The following SRPX variants were observed in gnomAD, a reference collection of about 807,000 sequenced individuals.
The protein encoded by SRPX is sushi repeat-containing protein SRPX.
In SRPX, 24 loss-of-function variants were observed where a neutral mutation model predicts 38.1. The ratio of observed to expected loss-of-function variants is 0.63; its 90% CI spans 0.46 to 0.89. The LOEUF (loss-of-function observed/expected upper bound fraction) is 0.89, where lower values mean the gene tolerates loss of function less well. Ranked by LOEUF, SRPX falls within the 40% of genes least tolerant of loss-of-function variation. The pLI, the probability that SRPX is intolerant of heterozygous loss-of-function variation, is 0.00. For synonymous variants in SRPX, 184 were observed against 153.8 expected, an observed-to-expected ratio of 1.20 and a Z score of -1.45; for missense variants, 416 against 377.8, an observed-to-expected ratio of 1.10 and a Z score of -0.84.
At position 38,160,123 on chromosome X, in the gene SRPX, T is replaced by C; in HGVS notation, c.849A>G (p.Gly283=). 1.7e-6 allele frequency: 2 copies of C among 1,211,662 alleles called. No homozygotes were observed. The highest frequency in any genetic ancestry group is 2.2e-6 in the Non-Finnish European group (2 of 895,446). The change falls in exon 7 of 10, where the codon GGA becomes GGG. Residue 283 remains glycine, a synonymous_variant. Coordinates refer to ENST00000378533, the MANE Select transcript of SRPX (RefSeq NM_006307.5). ...MKCSSDGDNY[G]ATCEFSCIGG... The stretch of plus-strand genomic sequence containing the variant: ...CGATGCAGGAGAACTCACAGGTGGC[T>C]CCATAATTATCACCGTCGCTGGAGC...
At chrX:38,207,637 C>T (rs999695184) in intron 1 of SRPX, among the ~76,000 whole-genome samples, 4 of 112,133 alleles carry the variant, frequency 3.6e-5, no homozygotes, top group Non-Finnish European at 5.6e-5. Flanking sequence ...GACTCCAGAC[C>T]AAGACACTGG....
chrX:38,174,438 G>A, intron 2 of SRPX, 87 bp from the exon 3 acceptor site: 1 of 811,968 alleles, frequency 1.2e-6, no homozygotes, highest in Non-Finnish European at 1.6e-6. Context: ...TCCCAGGCTG[G>A]CTACATTCCA....
chrX:38,201,415 T>C lies in SRPX; in HGVS notation c.97+19281A>G, dbSNP rs1939109603. Among the ~76,000 whole-genome samples, 3 of 111,800 alleles carry C rather than the reference T, an allele frequency of 2.7e-5. No homozygotes were observed. In the South Asian group the frequency reaches 1.1e-3, roughly 42 times the overall value. On this transcript the variant is annotated intron_variant, in intron 1 of 9. Transcript: ENST00000378533. ...AAAAAAGGTCACAATATTCCAATTC[T>C]GGGTAAGATGCAGTAATCGTACTTC...
intron 5 of SRPX, among the ~76,000 whole-genome samples, chrX:38,164,367 T>G (rs1938323941): frequency 8.9e-6 from 1 of 111,749 alleles, no homozygotes; most frequent in Non-Finnish European, 1.9e-5. Context: ...GGTCTCAAAC[T>G]TCTGACCTCA....
At chrX:38,176,261 A>C (rs1457345184) in intron 2 of SRPX, among the ~76,000 whole-genome samples, 1 of 111,485 alleles carries the variant, frequency 9.0e-6, no homozygotes, top group Non-Finnish European at 1.9e-5. Context: ...TATGACCTGC[A>C]TACTCATACA....
chrX:38,153,299 TTTC>T (rs1346147448), intron 9 of SRPX, among the ~76,000 whole-genome samples: 1 of 79,923 alleles, frequency 1.3e-5, no homozygotes, highest in Middle Eastern at 6.1e-3. Flanking sequence ...TCTTTCTTTC[TTTC>T]TTTTTTTTTT....
At chrX:38,178,829 G>T (rs1166789296) in intron 1 of SRPX, among the ~76,000 whole-genome samples, 1 of 111,252 alleles carries the variant, frequency 9.0e-6, no homozygotes, top group African/African-American at 3.3e-5. Flanking sequence ...GTCTTATCTT[G>T]ACAAAAGAAA....
At chrX:38,217,506 G>A (rs868640185) in intron 1 of SRPX, among the ~76,000 whole-genome samples, 2 of 111,662 alleles carry the variant, frequency 1.8e-5, no homozygotes, top group Non-Finnish European at 3.8e-5. Flanking sequence ...AGGGGGAAAA[G>A]ACTGGAAAAT....
intron 9 of SRPX, among the ~76,000 whole-genome samples, chrX:38,151,449 G>A (rs906235304): frequency 3.2e-4 from 36 of 111,778 alleles, no homozygotes; most frequent in African/African-American, 1.1e-3. Context: ...CTGTGGGAAA[G>A]GGTGACCAAT....
At chrX:38,156,239 A>G (rs1467973517) in intron 8 of SRPX, among the ~76,000 whole-genome samples, 1 of 111,953 alleles carries the variant, frequency 8.9e-6, no homozygotes, top group Non-Finnish European at 1.9e-5. Flanking sequence ...GTTTCTAGTC[A>G]GCCTTCCCCA....
chrX:38,184,577 G>T (rs974575051), intron 1 of SRPX, among the ~76,000 whole-genome samples: 12 of 111,283 alleles, frequency 1.1e-4, no homozygotes, highest in Non-Finnish European at 1.7e-4. Context: ...CATGTTTTTT[G>T]GTACATGCTT....
rs1301815815 is a variant in SRPX at position 38,149,725 on chromosome X, T to A, written c.1381A>T (p.Thr461Ser). The change falls in exon 10 of 10, where the codon ACC becomes TCC. Residue 461 changes from threonine (T) to serine (S), a missense_variant. Coordinates refer to ENST00000378533, the MANE Select transcript of SRPX (RefSeq NM_006307.5). ...GAACCATCATGTCAGGTGTTACAGG[T>A]CTGGCTCATTTCGGCTTGTAGGACC... is the stretch of plus-strand genomic sequence containing the variant. ...EMVLQAEMSQTCNT is the reference protein window; with the variant it reads ...EMVLQAEMSQSCNT The A allele has an allele frequency of 8.3e-7, 1 of 1,210,133 alleles. No homozygotes were observed. The highest frequency in any genetic ancestry group is 3.0e-5 in the East Asian group (1 of 33,798).
intron 1 of SRPX, among the ~76,000 whole-genome samples, chrX:38,187,445 G>C (rs1938808518): frequency 8.9e-6 from 1 of 111,927 alleles, no homozygotes; most frequent in Non-Finnish European, 1.9e-5. Context: ...AAAGTAAACT[G>C]TTGTCAAGTT....
chrX:38,198,969 A>G (rs1939052377), intron 1 of SRPX, among the ~76,000 whole-genome samples: 1 of 111,505 alleles, frequency 9.0e-6, no homozygotes, highest in African/African-American at 3.3e-5. Context: ...TGACGTCTAC[A>G]GGCTGGTGCA....
intron 2 of SRPX, among the ~76,000 whole-genome samples, chrX:38,176,620 C>T (rs1304342551): frequency 9.0e-6 from 1 of 110,757 alleles, no homozygotes; most frequent in East Asian, 2.9e-4. Flanking sequence ...TAGTGAAACC[C>T]CTGTCTGTAC....
Position 38,160,710 on chromosome X carries a change from G to C in SRPX, c.775+223C>G, listed in dbSNP as rs754916732. On this transcript the variant is annotated intron_variant, in intron 6 of 9. Coordinates refer to ENST00000378533, the MANE Select transcript of SRPX (RefSeq NM_006307.5). ...TATGGGATCCTGTAAGACTAGTCCT[G>C]GGAACTCCTTAAATAATCTGGCAAC... Among the ~76,000 whole-genome samples the C allele has an allele frequency of 2.7e-5, 3 of 110,831 alleles. No homozygotes were observed. In the South Asian group the frequency reaches 1.2e-3, roughly 43 times the overall value.
At chrX:38,178,137 G>GTA (rs895240634) in intron 2 of SRPX, 148 bp downstream of exon 2, 30 of 359,353 alleles carry the variant, frequency 8.3e-5, no homozygotes, top group Middle Eastern at 8.1e-4. Context: ...AAAAAAGGGA[G>GTA]TATATATATA....
At chrX:38,155,592 T>G (rs1483476024) in intron 8 of SRPX, among the ~76,000 whole-genome samples, 2 of 112,376 alleles carry the variant, frequency 1.8e-5, no homozygotes, top group African/African-American at 6.5e-5. Context: ...CAGTTGTAGA[T>G]CATGCACAAA....
chrX:38,212,029 C>T (rs942154649), intron 1 of SRPX, among the ~76,000 whole-genome samples: 7 of 112,010 alleles, frequency 6.2e-5, no homozygotes, highest in Admixed American at 1.9e-4. Flanking sequence ...GGAGTCTTGC[C>T]GGAGTGGCAG....
Sources: gnomAD v4.1 joint callset for allele counts (sites outside exome capture counted in the v4.1 genomes callset) on GRCh38, gnomAD v4.1.1 for gene constraint, MANE v1.5 for transcripts, NCBI Gene and HGNC (gene_info 2026-07-23, HGNC 2026-07-21) for gene names.